Variants in DNAH14 observed in about 807,000 individuals in gnomAD.
DNAH14 encodes dynein axonemal heavy chain 14.
In DNAH14, 478 loss-of-function variants were observed where a neutral mutation model predicts 520.9. The observed-to-expected ratio is 0.92, with a 90% CI of 0.85 to 0.99. The LOEUF (loss-of-function observed/expected upper bound fraction) is 0.99, where lower values mean the gene tolerates loss of function less well. Ranked by LOEUF, DNAH14 falls within the 50% of genes least tolerant of loss-of-function variation. The pLI is 0.00. For synonymous variants in DNAH14, 1,581 were observed against 1,757.2 expected, an observed-to-expected ratio of 0.90 and a Z score of 2.51; for missense variants, 4,831 against 5,234.5, an observed-to-expected ratio of 0.92 and a Z score of 2.38.
chr1:225,114,711 G>A (rs2076733658), intron 23 of DNAH14, among the ~76,000 whole-genome samples: 1 of 152,166 alleles, frequency 6.6e-6, no homozygotes, highest in African/African-American at 2.4e-5. Context: ...TGGTCTAAAT[G>A]TTCCCTCTGT....
At chr1:225,215,213 C>T (rs1311564763) in intron 41 of DNAH14, among the ~76,000 whole-genome samples, 2 of 152,068 alleles carry the variant, frequency 1.3e-5, no homozygotes, top group Non-Finnish European at 2.9e-5. Flanking sequence ...TGTAGTTGAG[C>T]AGTTTTAGTG....
At chr1:225,264,317 T>C (rs1574383807) in intron 47 of DNAH14, 56 bp downstream of exon 47, 5 of 1,292,128 alleles carry the variant, frequency 3.9e-6, no homozygotes, top group East Asian at 2.5e-5. Context: ...TTCACAACCA[T>C]GTGTATATTA....
At position 225,303,232 on chromosome 1, in the gene DNAH14, A is replaced by G; in HGVS notation, c.8708A>G (p.Tyr2903Cys). ...AGCTTCCGCCAAAATTGTAGAGTGT[A>G]TCCTTCTATGATTAGCTCCTGCACG... ...GPSFRQNCRV[Y>C]PSMISSCTID... Residue 2903 changes from tyrosine to cysteine, a missense_variant, in exon 57 of 86, where the codon TAT becomes TGT. Tyr to Cys is a radical substitution (Grantham distance 194). Coordinates refer to ENST00000682510, the MANE Select transcript of DNAH14 (RefSeq NM_001367479.1). 1 of 1,551,320 alleles carries G rather than the reference A, an allele frequency of 6.4e-7. No homozygotes were observed. The highest frequency in any genetic ancestry group is 8.7e-7 in the Non-Finnish European group (1 of 1,146,726).
At chr1:225,326,850 T>TA (rs373423939) in intron 64 of DNAH14, among the ~76,000 whole-genome samples, 13,185 of 149,078 alleles carry the variant, frequency 0.088, 630 homozygotes, top group Middle Eastern at 0.15. Flanking sequence ...AAGTCCATTT[T>TA]AAAAAAAAAA....
At chr1:225,206,938 A>G (rs1015702987) in intron 40 of DNAH14, 30 bp from the exon 41 acceptor site, 21 of 1,420,992 alleles carry the variant, frequency 1.5e-5, no homozygotes, top group Admixed American at 9.3e-5. Flanking sequence ...ATTTATTTAC[A>G]TAAGATTATA....
At chr1:224,945,064 C>A (rs369583783) in intron 1 of DNAH14, among the ~76,000 whole-genome samples, 12 of 152,186 alleles carry the variant, frequency 7.9e-5, no homozygotes, top group East Asian at 7.7e-4. Flanking sequence ...GGGAAGTTCT[C>A]CTGTATAATA....
intron 65 of DNAH14, 108 bp downstream of exon 65, chr1:225,331,685 C>G: frequency 7.1e-7 from 1 of 1,399,058 alleles, no homozygotes; most frequent in Non-Finnish European, 9.7e-7. Flanking sequence ...CTAAAACTAT[C>G]TAACTATCCA....
chr1:225,318,282 C>G (rs530437354), intron 60 of DNAH14, among the ~76,000 whole-genome samples: 2 of 152,252 alleles, frequency 1.3e-5, no homozygotes, highest in East Asian at 3.9e-4. Flanking sequence ...TTAACTGGAC[C>G]ATTCCTCAAA....
chr1:225,339,589 TA>T (rs770298358), intron 68 of DNAH14, among the ~76,000 whole-genome samples: 2 of 152,300 alleles, frequency 1.3e-5, no homozygotes, highest in South Asian at 4.1e-4. Flanking sequence ...GTAACAGTGC[TA>T]AAAATGCTAA....
intron 66 of DNAH14, among the ~76,000 whole-genome samples, chr1:225,335,057 C>CG (rs2094892489): frequency 1.4e-5 from 2 of 148,070 alleles, no homozygotes; most frequent in South Asian, 4.2e-4. Context: ...TACATATGTA[C>CG]ATATATGTAT....
chr1:225,366,156 A>G (rs1360141891), intron 76 of DNAH14, among the ~76,000 whole-genome samples: 1 of 152,246 alleles, frequency 6.6e-6, no homozygotes, highest in Admixed American at 6.5e-5. Context: ...GGCTAAGACT[A>G]TAACTATGAT....
rs75475220 is a variant in DNAH14, at chr1:225,391,026, G to A, written c.13330+1153G>A. Among the ~76,000 whole-genome samples, 741 of 152,242 alleles carry A rather than the reference G, an allele frequency of 4.9e-3. 9 individuals are homozygous for A. Among genetic ancestry groups the A allele is most frequent in the African/African-American group, 0.014 (572 of 41,520 alleles). The stretch of plus-strand genomic sequence containing the variant: ...GAGTGTTTCAATGACTGGACTAAGC[G>A]GGGACAGCATTCTTACTAGAGAAAA... On this transcript the variant is annotated intron_variant, in intron 83 of 85. Coordinates refer to ENST00000682510, the MANE Select transcript of DNAH14 (RefSeq NM_001367479.1).
intron 17 of DNAH14, among the ~76,000 whole-genome samples, chr1:225,065,262 G>T (rs1008998150): frequency 1.3e-5 from 2 of 151,588 alleles, no homozygotes; most frequent in Non-Finnish European, 3.0e-5. Context: ...TATTTATAGG[G>T]TACAAAGTGA....
chr1:225,006,470 T>G (rs541512718), intron 9 of DNAH14, among the ~76,000 whole-genome samples: 1 of 152,248 alleles, frequency 6.6e-6, no homozygotes, highest in East Asian at 1.9e-4. Flanking sequence ...CAGCAAGGAA[T>G]AACCCTGGGA....
chr1:224,942,116 G>A (rs2059461542), intron 1 of DNAH14, among the ~76,000 whole-genome samples: 2 of 152,094 alleles, frequency 1.3e-5, no homozygotes, highest in South Asian at 2.1e-4. Context: ...CCATTTTCAC[G>A]ATATTGATTC....
At chr1:225,177,699 TC>T (rs1285772269) in intron 36 of DNAH14, among the ~76,000 whole-genome samples, 1 of 152,160 alleles carries the variant, frequency 6.6e-6, no homozygotes, top group Admixed American at 6.5e-5. Flanking sequence ...TGCACAGAAG[TC>T]CAGAACTGGG....
At chr1:225,298,336 G>T (rs2094060367) in intron 55 of DNAH14, among the ~76,000 whole-genome samples, 1 of 152,148 alleles carries the variant, frequency 6.6e-6, no homozygotes, top group African/African-American at 2.4e-5. Flanking sequence ...GTAGCACTCT[G>T]CCAGCCCAAG....
chr1:225,266,650 T>C lies in DNAH14; in HGVS notation c.7420T>C (p.Phe2474Leu), dbSNP rs2093130246. ...TTTTGTCTTTCTTAAGATTCTAATA[T>C]TTATTGATGATATGAATATGCCAGT... ...GAPKNNRILI[F>L]IDDMNMPVSD... The change falls in exon 49 of 86, where the codon TTT becomes CTT. Residue 2474 changes from phenylalanine (F) to leucine (L), a missense_variant. Physicochemically the swap from Phe to Leu is conservative, Grantham distance 22. Coordinates refer to ENST00000682510, the MANE Select transcript of DNAH14 (RefSeq NM_001367479.1). 1 of 1,492,644 alleles carries C rather than the reference T, an allele frequency of 6.7e-7. No individual in the cohort carries two copies. Among genetic ancestry groups the C allele is most frequent in the Non-Finnish European group, 8.9e-7 (1 of 1,126,856 alleles). 92.5% of individuals were successfully genotyped at this position (1,492,644 alleles called of 1,614,324 possible). A position where few individuals can be genotyped will look rare whatever the true frequency, so the allele number is the denominator to read the frequency against.
At chr1:225,059,493 G>A (rs940914311) in intron 17 of DNAH14, among the ~76,000 whole-genome samples, 5 of 152,190 alleles carry the variant, frequency 3.3e-5, no homozygotes, top group Admixed American at 2.6e-4. Context: ...TTGCCAGTGT[G>A]TGTCTTTTAA....
Sources: allele counts gnomAD v4.1 joint callset (sites outside exome capture counted in the v4.1 genomes callset), GRCh38; gene constraint gnomAD v4.1.1; transcripts MANE v1.5; gene names NCBI Gene and HGNC (gene_info 2026-07-23, HGNC 2026-07-21).